Variants in CUX2 observed in about 807,000 individuals in gnomAD.
The protein encoded by CUX2 is homeobox protein cut-like 2.
Under a neutral mutation model 144.8 loss-of-function variants are expected in CUX2, and 40 were observed. That is an observed-to-expected ratio of 0.28 (90% CI 0.21 to 0.36). The LOEUF is 0.36. Among genes scored for constraint, CUX2 ranks in the 10% least tolerant of loss-of-function variants. The pLI is 1.00. For missense variants in CUX2, 1,615 were observed against 1,994.0 expected, an observed-to-expected ratio of 0.81 and a Z score of 3.62; for synonymous variants, 827 against 875.6, an observed-to-expected ratio of 0.94 and a Z score of 0.98.
At chr12:111,236,505 G>C (rs544425561) in intron 3 of CUX2, among the ~76,000 whole-genome samples, 1 of 152,276 alleles carries the variant, frequency 6.6e-6, no homozygotes, top group South Asian at 2.1e-4. Context: ...GTTACACAGA[G>C]CAGATCTGCT....
intron 1 of CUX2, among the ~76,000 whole-genome samples, chr12:111,204,006 T>G (rs1880768528): frequency 6.6e-6 from 1 of 152,216 alleles, no homozygotes; most frequent in Non-Finnish European, 1.5e-5. Flanking sequence ...AGTGCCAGCC[T>G]TGGCCCAAAG....
chr12:111,304,306 C>A lies in CUX2; in HGVS notation c.850C>A (p.Pro284Thr). 1 of 1,613,004 alleles carries A rather than the reference C, an allele frequency of 6.2e-7. No homozygotes were observed. ...IRLACCSPQG[P>T]SGDKVNFTLC... The stretch of plus-strand genomic sequence containing the variant: ...CCTGGCTTGCTGCTCTCCCCAGGGG[C>A]CCAGTGGGGTAAGGATGGGGTTGGG... Residue 284 changes from proline to threonine, a missense_variant, in exon 10 of 22, where the codon CCC (proline) becomes ACC (threonine). Around this residue, in one of 12 missense-constraint regions of CUX2, gnomAD observed 295 missense variants for 400.2 expected, o/e 0.74. Transcript: ENST00000261726. The surrounding 1 kb of genome is among the most constrained non-coding windows in gnomAD (Gnocchi z 4.7).
rs535788767 is a variant in CUX2, at chr12:111,193,954, C to A, written c.64-20246C>A. 8.5e-5 allele frequency among the ~76,000 whole-genome samples: 13 copies of A among 152,308 alleles called. No homozygotes were observed. The South Asian group carries it at 2.3e-3, about 27-fold the overall frequency. On this transcript the variant is annotated intron_variant, in intron 1 of 21. Coordinates refer to ENST00000261726, the MANE Select transcript of CUX2 (RefSeq NM_015267.4). ...CAACATTCTGGATGCCAAGGTTGGG[C>A]TCCTCCGCAACCTTGCTGGGTGATA... is the stretch of plus-strand genomic sequence containing the variant.
In CUX2 at chr12:111,347,571, C is replaced by A; in HGVS notation, c.3707C>A (p.Pro1236Gln). ...TTGGTGGAGGGGACCCAGGATGAGCCAGACCTTGATCCAAGCGGGGGTCCT... is the reference window on the plus strand; with the variant it reads ...TTGGTGGAGGGGACCCAGGATGAGCAAGACCTTGATCCAAGCGGGGGTCCT... ...EMLVEGTQDE[P>Q]DLDPSGGPGI... is the part of the protein sequence containing the mutation. Residue 1236 changes from proline to glutamine, a missense_variant, in exon 22 of 22, where the codon CCA becomes CAA. Coordinates refer to ENST00000261726, the MANE Select transcript of CUX2 (RefSeq NM_015267.4). The A allele has an allele frequency of 6.2e-7, 1 of 1,612,248 alleles. No homozygotes were observed.
At chr12:111,338,197 T>C in intron 19 of CUX2, 89 bp from the exon 20 acceptor site, 3 of 1,371,978 alleles carry the variant, frequency 2.2e-6, no homozygotes, top group Non-Finnish European at 3.0e-6. Context: ...GGCTCTCCCC[T>C]GTGTCTCTGG....
At chr12:111,094,370 G>A (rs932479717) in intron 1 of CUX2, among the ~76,000 whole-genome samples, 1 of 152,208 alleles carries the variant, frequency 6.6e-6, no homozygotes, top group Non-Finnish European at 1.5e-5. Flanking sequence ...GGGAGGCAAG[G>A]GTCATGCTGG....
At chr12:111,332,257 C>T (rs574947386) in intron 18 of CUX2, among the ~76,000 whole-genome samples, 1 of 140,024 alleles carries the variant, frequency 7.1e-6, no homozygotes, top group Admixed American at 7.1e-5. Flanking sequence ...CTCAGCCTCC[C>T]GAGTAGCTGG....
intron 1 of CUX2, among the ~76,000 whole-genome samples, chr12:111,106,130 G>C (rs1367598914): frequency 6.6e-6 from 1 of 151,094 alleles, no homozygotes; most frequent in Non-Finnish European, 1.5e-5. Context: ...CTCTCAAGTA[G>C]CTGGAACTGT....
intron 21 of CUX2, among the ~76,000 whole-genome samples, chr12:111,346,775 G>A: frequency 6.6e-6 from 1 of 152,172 alleles, no homozygotes; most frequent in East Asian, 1.9e-4. Flanking sequence ...CACTTGGGGA[G>A]GCCAAGGTGG....
In CUX2 at chr12:111,277,280, C is replaced by T. The variant is rs1205642597; in HGVS notation, c.301+13441C>T. 2.0e-5 allele frequency among the ~76,000 whole-genome samples: 3 copies of T among 152,162 alleles called. No individual in the cohort carries two copies. Among genetic ancestry groups the T allele is most frequent in the African/African-American group, 7.2e-5 (3 of 41,442 alleles). ...AGATTGGCACTGGGCGTCCCCTGGG[C>T]CAGCCCCACATCCCCATCTGTGAAA... On this transcript the variant is annotated intron_variant, in intron 4 of 21. Coordinates refer to ENST00000261726, the MANE Select transcript of CUX2 (RefSeq NM_015267.4). This position sits in a 1 kb window ranked among gnomAD's most constrained non-coding sequence, Gnocchi z 5.0.
chr12:111,225,280 C>T (rs1475454634), intron 3 of CUX2, among the ~76,000 whole-genome samples: 1 of 152,210 alleles, frequency 6.6e-6, no homozygotes, highest in East Asian at 1.9e-4. Flanking sequence ...TGAAACTGAG[C>T]ACATCATGTT....
At chr12:111,223,960 G>A (rs1192243779) in intron 3 of CUX2, among the ~76,000 whole-genome samples, 1 of 152,138 alleles carries the variant, frequency 6.6e-6, no homozygotes, top group African/African-American at 2.4e-5. Flanking sequence ...CTGGTGCTTA[G>A]CATCATCTGT....
Position 111,118,757 on chromosome 12 carries a change from TTAAAA to T in CUX2, c.63+84519_63+84523del, listed in dbSNP as rs1446786617. ...CAGTGGTTAGACCCTTGGCTGCCCA[TTAAAA>T]TCACCTGAGAGAGCTTAAAAAAATA... On this transcript the variant is annotated intron_variant, in intron 1 of 21. Coordinates refer to ENST00000261726, the MANE Select transcript of CUX2 (RefSeq NM_015267.4). Among the ~76,000 whole-genome samples the T allele has an allele frequency of 9.2e-5, 14 of 152,308 alleles. No individual in the cohort carries two copies. In the South Asian group the frequency reaches 2.9e-3, roughly 32 times the overall value.
intron 2 of CUX2, among the ~76,000 whole-genome samples, chr12:111,214,657 C>T (rs1323850048): frequency 6.6e-6 from 1 of 152,122 alleles, no homozygotes; most frequent in Non-Finnish European, 1.5e-5. Flanking sequence ...TTCCCGTTGG[C>T]GTCTGGAAGA....
intron 3 of CUX2, among the ~76,000 whole-genome samples, chr12:111,227,052 C>G (rs754594336): frequency 6.6e-6 from 1 of 152,192 alleles, no homozygotes; most frequent in African/African-American, 2.4e-5. Flanking sequence ...GCTACCGCAA[C>G]AGCCCCACCG....
chr12:111,228,131 A>G (rs900933093), intron 3 of CUX2, among the ~76,000 whole-genome samples: 5 of 152,144 alleles, frequency 3.3e-5, no homozygotes, highest in Non-Finnish European at 5.9e-5. Context: ...GGAACAAGAC[A>G]CATGCTCCTG....
At chr12:111,213,950 T>A (rs186796932) in intron 1 of CUX2, among the ~76,000 whole-genome samples, 37 of 152,024 alleles carry the variant, frequency 2.4e-4, no homozygotes, top group Admixed American at 2.1e-3. Flanking sequence ...CACCCAACTT[T>A]ATAGAAGATT....
chr12:111,191,832 C>T (rs1485438565), intron 1 of CUX2, among the ~76,000 whole-genome samples: 2 of 152,170 alleles, frequency 1.3e-5, no homozygotes, highest in Admixed American at 6.5e-5. Flanking sequence ...CAGTGTCACC[C>T]CACCTCCTTC....
chr12:111,064,959 C>G lies in CUX2; in HGVS notation c.63+30719C>G, dbSNP rs188947822. 2.0e-3 allele frequency among the ~76,000 whole-genome samples: 298 copies of G among 152,334 alleles called. 1 individual carries two copies. The highest frequency in any genetic ancestry group is 1.6e-3 in the Non-Finnish European group (108 of 68,032). Reference sequence around the variant, plus strand: ...AGACCTAAGAGTTGCTAAATGTAGACTCTGACTCTCTGCTGTTTTTATAGT... The same window carrying G: ...AGACCTAAGAGTTGCTAAATGTAGAGTCTGACTCTCTGCTGTTTTTATAGT... On this transcript the variant is annotated intron_variant, in intron 1 of 21. Transcript: ENST00000261726.
Sources: allele counts gnomAD v4.1 joint callset (sites outside exome capture counted in the v4.1 genomes callset), GRCh38; gene constraint gnomAD v4.1.1; regional missense constraint gnomAD v4.1.1; non-coding constraint Gnocchi (gnomAD v3.1); transcripts MANE v1.5; gene names NCBI Gene and HGNC (gene_info 2026-07-23, HGNC 2026-07-21).